Variants in PYGL observed in about 807,000 individuals in gnomAD.
PYGL encodes glycogen phosphorylase L.
Under a neutral mutation model 100.1 loss-of-function variants are expected in PYGL, and 90 were observed. The ratio of observed to expected loss-of-function variants is 0.90; its 90% CI spans 0.76 to 1.07. The LOEUF is 1.07. Ranked by LOEUF, PYGL falls within the 50% of genes least tolerant of loss-of-function variation. The pLI is 0.00. For missense variants in PYGL, 1,016 were observed against 1,057.6 expected (o/e 0.96, Z 0.55); for synonymous variants, 373 against 393.0 (o/e 0.95, Z 0.60).
Position 50,912,142 on chromosome 14 carries a change from C to A in PYGL, c.1768+14G>T. On this transcript the variant is annotated intron_variant, in intron 14 of 19. Transcript: ENST00000216392. ...CACCTGCAAGGGGGCTTGTTGGCTA[C>A]AGGGCTGACTCACGGTTGTACATCG... 1 of 1,614,226 alleles carries A rather than the reference C, an allele frequency of 6.2e-7. No individual in the cohort carries two copies. The highest frequency in any genetic ancestry group is 8.5e-7 in the Non-Finnish European group (1 of 1,180,042).
intron 1 of PYGL, among the ~76,000 whole-genome samples, chr14:50,939,468 A>G (rs1283728530): frequency 6.6e-6 from 1 of 152,220 alleles, no homozygotes; most frequent in African/African-American, 2.4e-5. Context: ...TGACTTAGAC[A>G]TTATTTGCCT....
chr14:50,935,600 T>C (rs2050647853), intron 2 of PYGL, among the ~76,000 whole-genome samples: 1 of 152,122 alleles, frequency 6.6e-6, no homozygotes, highest in Admixed American at 6.5e-5. Context: ...ATGTTAGCTA[T>C]TATCATTAAA....
In PYGL at chr14:50,915,415, T is replaced by C; in HGVS notation, c.1324A>G (p.Met442Val). The C allele has an allele frequency of 1.2e-6, 2 of 1,614,216 alleles. No homozygotes were observed. Among genetic ancestry groups the C allele is most frequent in the South Asian group, 1.1e-5 (1 of 91,086 alleles). ...IEEEGSKRIN[M>V]AHLCIVGSHA... Reference sequence around the variant, plus strand: ...GAACCGACAATGCAGAGATGGGCCATGTTGATCCTTTTGCTTCCTTCCTCT... The same window carrying C: ...GAACCGACAATGCAGAGATGGGCCACGTTGATCCTTTTGCTTCCTTCCTCT... The change falls in exon 11 of 20, where the codon ATG becomes GTG. Residue 442 changes from methionine (M) to valine (V), a missense_variant. Met to Val is a conservative substitution (Grantham distance 21, BLOSUM62 1). Coordinates refer to ENST00000216392, the MANE Select transcript of PYGL (RefSeq NM_002863.5).
chr14:50,943,719 C>T (rs2050721138), intron 1 of PYGL, among the ~76,000 whole-genome samples: 1 of 152,242 alleles, frequency 6.6e-6, no homozygotes, highest in Non-Finnish European at 1.5e-5. Context: ...ATACCAAGCT[C>T]CAGCAAGGCA....
chr14:50,918,040 C>G (rs1189767028), intron 7 of PYGL, among the ~76,000 whole-genome samples: 1 of 151,996 alleles, frequency 6.6e-6, no homozygotes, highest in East Asian at 1.9e-4. Flanking sequence ...AGACAATTCT[C>G]AAAAGAAGAT....
chr14:50,942,318 G>A lies in PYGL; in HGVS notation c.243+1843C>T, dbSNP rs532611427. On this transcript the variant is annotated intron_variant, in intron 1 of 19. Transcript: ENST00000216392. Reference sequence around the variant, plus strand: ...AGTGAAGAAACTGGCCGGAGAACCAGGAAAACCATAAAGCACTGCATAAGC... The same window carrying A: ...AGTGAAGAAACTGGCCGGAGAACCAAGAAAACCATAAAGCACTGCATAAGC... Among the ~76,000 whole-genome samples, 10 of 139,970 alleles carry A rather than the reference G, an allele frequency of 7.1e-5. 2 individuals carry two copies. In the South Asian group the frequency reaches 2.5e-3, roughly 35 times the overall value. 91.8% of individuals were successfully genotyped at this position (139,970 alleles called of 152,430 possible).
At chr14:50,911,220 T>C (rs2050393574) in intron 16 of PYGL, among the ~76,000 whole-genome samples, 1 of 152,198 alleles carries the variant, frequency 6.6e-6, no homozygotes, top group African/African-American at 2.4e-5. Context: ...TGTCCCCATG[T>C]GGGAGCATCA....
intron 4 of PYGL, among the ~76,000 whole-genome samples, chr14:50,929,205 A>C (rs1259327663): frequency 6.6e-6 from 1 of 151,834 alleles, no homozygotes. Flanking sequence ...ACGCGCCACT[A>C]TCTCCTGGCC....
chr14:50,937,507 A>C (rs1202962509), intron 2 of PYGL, among the ~76,000 whole-genome samples: 2 of 152,252 alleles, frequency 1.3e-5, no homozygotes, highest in Admixed American at 1.3e-4. Context: ...CTTTGATTGC[A>C]AAAGAAAATT....
At chr14:50,937,498 TTTGA>T (rs1258571626) in intron 2 of PYGL, among the ~76,000 whole-genome samples, 1 of 152,228 alleles carries the variant, frequency 6.6e-6, no homozygotes, top group Non-Finnish European at 1.5e-5. Flanking sequence ...TGTCAAAGAC[TTTGA>T]TTGCAAAAGA....
Position 50,944,195 on chromosome 14 carries a change from C to T in PYGL, c.209G>A (p.Arg70His). 6.2e-7 allele frequency: 1 copy of T among 1,610,314 alleles called. No individual in the cohort carries two copies. The highest frequency in any genetic ancestry group is 1.1e-5 in the South Asian group (1 of 91,052). ...VRDHLVGRWI[R>H]TQQHYYDKCP... is the part of the protein sequence containing the mutation. Reference sequence around the variant, plus strand: ...CTTGTCGTAGTAGTGCTGCTGCGTGCGGATCCAGCGCCCCACCAGGTGGTC... The same window carrying T: ...CTTGTCGTAGTAGTGCTGCTGCGTGTGGATCCAGCGCCCCACCAGGTGGTC... Residue 70 changes from arginine (R) to histidine (H), a missense_variant, in exon 1 of 20, where the codon CGC becomes CAC. By Grantham distance (29) the Arg-to-His change is conservative. Transcript: ENST00000216392.
intron 4 of PYGL, among the ~76,000 whole-genome samples, chr14:50,928,645 CAG>C (rs1285536905): frequency 1.5e-5 from 2 of 132,270 alleles, no homozygotes; most frequent in African/African-American, 2.7e-5. Flanking sequence ...AACACAATTT[CAG>C]GGGGTGCACG....
At chr14:50,909,242 A>G (rs185485278) in intron 17 of PYGL, among the ~76,000 whole-genome samples, 1 of 152,190 alleles carries the variant, frequency 6.6e-6, no homozygotes, top group Non-Finnish European at 1.5e-5. Flanking sequence ...AGCAAGGTCC[A>G]TTTCAAAGCA....
intron 16 of PYGL, among the ~76,000 whole-genome samples, chr14:50,910,858 AG>A (rs1214008402): frequency 6.6e-6 from 1 of 152,186 alleles, no homozygotes; most frequent in African/African-American, 2.4e-5. Flanking sequence ...CTGACCTTTC[AG>A]GCTGATTTGC....
At chr14:50,912,089 G>A in intron 14 of PYGL, 53 bp from the exon 15 acceptor site, 1 of 1,613,312 alleles carries the variant, frequency 6.2e-7, no homozygotes, top group Admixed American at 1.7e-5. Flanking sequence ...GGTCAGGGCA[G>A]TGAGACCTAT....
chr14:50,943,458 G>A (rs1014085505), intron 1 of PYGL, among the ~76,000 whole-genome samples: 1 of 152,242 alleles, frequency 6.6e-6, no homozygotes, highest in Non-Finnish European at 1.5e-5. Flanking sequence ...GCAGGCCTCG[G>A]GTGTGGAAGG....
chr14:50,934,778 A>G (rs1034261059), intron 3 of PYGL, among the ~76,000 whole-genome samples: 36 of 152,152 alleles, frequency 2.4e-4, no homozygotes, highest in African/African-American at 8.7e-4. Flanking sequence ...CCCTATAGGG[A>G]GGAGCACAGA....
At chr14:50,908,175 A>C in intron 19 of PYGL, 96 bp downstream of exon 19, 2 of 952,004 alleles carry the variant, frequency 2.1e-6, no homozygotes, top group Non-Finnish European at 3.4e-6. Context: ...ATCTGATATT[A>C]CATGGGGATC....
rs2050442530 is a variant in PYGL at position 50,915,848 on chromosome 14, C to T, written c.1216G>A (p.Glu406Lys). The T allele has an allele frequency of 1.6e-5, 26 of 1,614,136 alleles. No individual in the cohort carries two copies. Among genetic ancestry groups the T allele is most frequent in the Non-Finnish European group, 2.2e-5 (26 of 1,179,982 alleles). Residue 406 changes from glutamate (E) to lysine (K), a missense_variant, in exon 10 of 20, where the codon GAG becomes AAG. Coordinates refer to ENST00000216392, the MANE Select transcript of PYGL (RefSeq NM_002863.5). The stretch of plus-strand genomic sequence containing the variant: ...ACATCTAAATGCTTCTGATTTATCT[C>T]ATAAATGATTTCCAAATGTCGAGGG... ...LLPRHLEIIYEINQKHLDRIV... is the reference protein window; with the variant it reads ...LLPRHLEIIYKINQKHLDRIV...
Sources: allele counts gnomAD v4.1 joint callset (sites outside exome capture counted in the v4.1 genomes callset), GRCh38; gene constraint gnomAD v4.1.1; transcripts MANE v1.5; gene names NCBI Gene and HGNC (gene_info 2026-07-23, HGNC 2026-07-21).